Variants in EFL1 observed in about 807,000 individuals in gnomAD.
The protein encoded by EFL1 is elongation factor like GTPase 1.
Under a neutral mutation model 126.7 loss-of-function variants are expected in EFL1, and 76 were observed. The observed-to-expected ratio is 0.60, with a 90% CI of 0.50 to 0.73. The LOEUF is 0.73. EFL1 is among the 30% of genes least tolerant of loss of function. EFL1 has a pLI of 0.00. For synonymous variants in EFL1, 410 were observed against 448.4 expected (o/e 0.91, Z 1.08); for missense variants, 1,128 against 1,343.2 (o/e 0.84, Z 2.50).
At chr15:82,150,060 A>G (rs111251271) in intron 18 of EFL1, among the ~76,000 whole-genome samples, 211 of 152,312 alleles carry the variant, frequency 1.4e-3, no homozygotes, top group African/African-American at 4.9e-3. Context: ...CAAATCTACA[A>G]ATTCCATGGC....
intron 15 of EFL1, among the ~76,000 whole-genome samples, chr15:82,182,086 C>T (rs1269002787): frequency 6.6e-6 from 1 of 152,040 alleles, no homozygotes; most frequent in Non-Finnish European, 1.5e-5. Flanking sequence ...AGCAAAACCC[C>T]ATTTTTACTA....
intron 8 of EFL1, among the ~76,000 whole-genome samples, chr15:82,230,190 A>T (rs774456104): frequency 5.3e-4 from 80 of 152,194 alleles, no homozygotes; most frequent in Non-Finnish European, 8.2e-4. Context: ...AATTATAAAC[A>T]TCTACTAGCA....
intron 2 of EFL1, 68 bp downstream of exon 2, chr15:82,261,620 T>G: frequency 7.0e-7 from 1 of 1,435,902 alleles, no homozygotes. Flanking sequence ...ACAGCTTCAC[T>G]CCACTGAGAC....
chr15:82,245,933 T>TA lies in EFL1; in HGVS notation c.245-4531dup, dbSNP rs113073635. Among the ~76,000 whole-genome samples, 1,190 of 136,680 alleles carry TA rather than the reference T, an allele frequency of 8.7e-3. 9 individuals are homozygous for TA. The highest frequency in any genetic ancestry group is 0.013 in the Non-Finnish European group (797 of 62,728). The allele number at this position is 136,680 out of a possible 152,430, so 89.7% of individuals were successfully genotyped here. A position where few individuals can be genotyped will look rare whatever the true frequency, so the allele number is the denominator to read the frequency against. Reference sequence around the variant, plus strand: ...GGGTGATAGAATGAGACTCTTGTCTTAAAAAAAAAAAAAAAGTGACAGGGG... The same window carrying TA: ...GGGTGATAGAATGAGACTCTTGTCTTAAAAAAAAAAAAAAAAGTGACAGGGG... On this transcript the variant is annotated intron_variant, in intron 4 of 19. Coordinates refer to ENST00000268206, the MANE Select transcript of EFL1 (RefSeq NM_024580.6).
At chr15:82,228,464 C>T in intron 9 of EFL1, 137 bp from the exon 10 acceptor site, 1 of 1,129,760 alleles carries the variant, frequency 8.9e-7, no homozygotes, top group Non-Finnish European at 1.2e-6. Flanking sequence ...TGAAGGGAAT[C>T]CTGCCGCCAC....
chr15:82,244,610 C>T (rs964597619), intron 4 of EFL1, among the ~76,000 whole-genome samples: 1 of 152,078 alleles, frequency 6.6e-6, no homozygotes, highest in African/African-American at 2.4e-5. Flanking sequence ...TTTTATGTTC[C>T]AGGGGGCTGA....
intron 12 of EFL1, 41 bp downstream of exon 12, chr15:82,225,124 A>C: frequency 4.7e-6 from 7 of 1,491,046 alleles, no homozygotes; most frequent in Non-Finnish European, 4.6e-6. Context: ...CCAAACATAC[A>C]CCATATTCCT....
intron 15 of EFL1, among the ~76,000 whole-genome samples, chr15:82,174,781 T>C (rs1433210822): frequency 6.6e-6 from 1 of 152,216 alleles, no homozygotes; most frequent in Non-Finnish European, 1.5e-5. Context: ...CACCGTGGAA[T>C]TATATGTGGG....
intron 15 of EFL1, among the ~76,000 whole-genome samples, chr15:82,192,289 A>G (rs1048403691): frequency 1.3e-5 from 2 of 151,922 alleles, no homozygotes; most frequent in African/African-American, 4.8e-5. Flanking sequence ...AATCCCAGCT[A>G]CTCGGGAGGC....
intron 3 of EFL1, among the ~76,000 whole-genome samples, chr15:82,253,757 T>C (rs754147601): frequency 1.5e-4 from 23 of 152,322 alleles, no homozygotes; most frequent in South Asian, 4.1e-4. Context: ...TTGATGACTT[T>C]CATAACACTG....
chr15:82,253,902 T>C (rs1347107668), intron 3 of EFL1, among the ~76,000 whole-genome samples: 1 of 152,154 alleles, frequency 6.6e-6, no homozygotes, highest in Non-Finnish European at 1.5e-5. Context: ...AACCTTCTCC[T>C]CCTTTCTCCA....
rs2074722116 is a variant in EFL1 at position 82,222,488 on chromosome 15, C to T, written c.1293-2259G>A. On this transcript the variant is annotated intron_variant, in intron 12 of 19. Coordinates refer to ENST00000268206, the MANE Select transcript of EFL1 (RefSeq NM_024580.6). ...GTATTTGTTCACTTGCAGATTAAAT[C>T]CTCATCTGTCTAAGTTCATGAAGTG... is the stretch of plus-strand genomic sequence containing the variant. 2.0e-5 allele frequency among the ~76,000 whole-genome samples: 3 copies of T among 152,172 alleles called. No individual in the cohort carries two copies. In the South Asian group the frequency reaches 6.2e-4, roughly 31 times the overall value.
At chr15:82,257,288 A>G (rs1163841835) in intron 3 of EFL1, among the ~76,000 whole-genome samples, 1 of 152,206 alleles carries the variant, frequency 6.6e-6, no homozygotes, top group African/African-American at 2.4e-5. Flanking sequence ...TAACTTCTGC[A>G]GCATTTTTCT....
At chr15:82,251,046 T>C (rs2075016577) in intron 4 of EFL1, among the ~76,000 whole-genome samples, 1 of 151,940 alleles carries the variant, frequency 6.6e-6, no homozygotes, top group Non-Finnish European at 1.5e-5. Flanking sequence ...ACCCCGCCTC[T>C]ACTAAAAATA....
In EFL1 at chr15:82,194,373, G is replaced by T. The variant is rs1482678730; in HGVS notation, c.1750+20344C>A. Among the ~76,000 whole-genome samples the T allele has an allele frequency of 3.3e-5, 5 of 152,190 alleles. No individual in the cohort carries two copies. The East Asian group carries it at 7.7e-4, about 23-fold the overall frequency. On this transcript the variant is annotated intron_variant, in intron 15 of 19. Coordinates refer to ENST00000268206, the MANE Select transcript of EFL1 (RefSeq NM_024580.6). The stretch of plus-strand genomic sequence containing the variant: ...AAATGAATCCGGCGCCATTCTCAAA[G>T]AACTTGTAATGTCTAAGTCTTAAAT...
At chr15:82,261,905 C>T in intron 1 of EFL1, 108 bp from the exon 2 acceptor site, 1 of 744,878 alleles carries the variant, frequency 1.3e-6, no homozygotes, top group South Asian at 1.9e-5. Context: ...ACCCCTTAAA[C>T]CAAGAACCCA....
At chr15:82,207,307 T>TACACACACAC (rs1555429173) in intron 15 of EFL1, among the ~76,000 whole-genome samples, 1 of 145,418 alleles carries the variant, frequency 6.9e-6, no homozygotes, top group African/African-American at 2.6e-5. Context: ...TATATATATA[T>TACACACACAC]ACACACACAC....
In EFL1 at chr15:82,230,839, C is replaced by A. The variant is rs1286507652; in HGVS notation, c.855+9G>T. On this transcript the variant is annotated intron_variant, in intron 8 of 19. Coordinates refer to ENST00000268206, the MANE Select transcript of EFL1 (RefSeq NM_024580.6). ...GACCAACAACCAAAAGGGACATATACCACATTACCTGATCACCCTTCATGA... is the reference window on the plus strand; with the variant it reads ...GACCAACAACCAAAAGGGACATATAACACATTACCTGATCACCCTTCATGA... 6.2e-7 allele frequency: 1 copy of A among 1,607,164 alleles called. No individual in the cohort carries two copies. Among genetic ancestry groups the A allele is most frequent in the Non-Finnish European group, 8.5e-7 (1 of 1,177,168 alleles).
At chr15:82,217,810 T>C (rs145873973) in intron 14 of EFL1, among the ~76,000 whole-genome samples, 119 of 152,266 alleles carry the variant, frequency 7.8e-4, no homozygotes, top group African/African-American at 2.7e-3. Context: ...AGTGATGAGA[T>C]GTCACACTGT....
Sources: gnomAD v4.1 joint callset for allele counts (sites outside exome capture counted in the v4.1 genomes callset) on GRCh38, gnomAD v4.1.1 for gene constraint, MANE v1.5 for transcripts, NCBI Gene and HGNC (gene_info 2026-07-23, HGNC 2026-07-21) for gene names.